Variants in LEPR observed in about 807,000 individuals in gnomAD.
LEPR encodes the protein leptin receptor.
A neutral mutation model predicts 114.7 loss-of-function variants in LEPR; 56 were observed. The observed-to-expected ratio is 0.49, with a 90% CI of 0.39 to 0.61. LEPR has a LOEUF of 0.61. Ranked by LOEUF, LEPR falls within the 20% of genes least tolerant of loss-of-function variation. The pLI, the probability that LEPR is intolerant of heterozygous loss-of-function variation, is 0.00. For synonymous variants in LEPR, 443 were observed against 461.4 expected, an observed-to-expected ratio of 0.96 and a Z score of 0.51; for missense variants, 1,202 against 1,352.9, an observed-to-expected ratio of 0.89 and a Z score of 1.75.
At chr1:65,591,197 T>C (rs1463336658) in intron 5 of LEPR, among the ~76,000 whole-genome samples, 1 of 152,136 alleles carries the variant, frequency 6.6e-6, no homozygotes, top group Non-Finnish European at 1.5e-5. Flanking sequence ...TATTTTTGTG[T>C]GACTGGAATC....
chr1:65,598,816 A>G lies in LEPR; in HGVS notation c.994+12A>G, dbSNP rs1334173102. The G allele has an allele frequency of 1.2e-6, 2 of 1,613,024 alleles. No homozygotes were observed. Among genetic ancestry groups the G allele is most frequent in the Non-Finnish European group, 1.7e-6 (2 of 1,179,258 alleles). On this transcript the variant is annotated intron_variant, in intron 8 of 19. Transcript: ENST00000349533. ...CTTTACCACACAAGGTAGGTTATGT[A>G]ATAGCCACTTCTACTGGGAGGGAAA...
At chr1:65,529,977 G>A (rs1650271121) in intron 2 of LEPR, among the ~76,000 whole-genome samples, 1 of 152,124 alleles carries the variant, frequency 6.6e-6, no homozygotes, top group Non-Finnish European at 1.5e-5. Flanking sequence ...ATCTCTCTAT[G>A]TGTGTGTGTT....
chr1:65,631,745 T>A (rs2101039032), intron 19 of LEPR, among the ~76,000 whole-genome samples: 1 of 152,306 alleles, frequency 6.6e-6, no homozygotes, highest in South Asian at 2.1e-4. Flanking sequence ...TTAGCCTTGC[T>A]TTTCTTCCAA....
chr1:65,530,132 C>T (rs74704065), intron 2 of LEPR, among the ~76,000 whole-genome samples: 3,121 of 152,308 alleles, frequency 0.02, 50 homozygotes, highest in Admixed American at 0.028. Context: ...CTTCATCTTT[C>T]CCAAACCTGC....
At chr1:65,571,759 G>A (rs1449527092) in intron 4 of LEPR, among the ~76,000 whole-genome samples, 3 of 125,208 alleles carry the variant, frequency 2.4e-5, no homozygotes, top group East Asian at 2.7e-4. Context: ...TTAGAGACCA[G>A]CCTGGGCAAC....
chr1:65,619,972 A>G lies in LEPR; in HGVS notation c.2440A>G (p.Ile814Val), dbSNP rs1657776549. 6.2e-7 allele frequency: 1 copy of G among 1,612,200 alleles called. No individual in the cohort carries two copies. The highest frequency in any genetic ancestry group is 1.7e-5 in the Admixed American group (1 of 59,952). ...GAAGTACCAGTTCAGTCTTTACCCA[A>G]TATTTATGGAAGGAGTGGGAAAACC... ...IEKYQFSLYPIFMEGVGKPKI... is the reference protein window; with the variant it reads ...IEKYQFSLYPVFMEGVGKPKI... Residue 814 changes from isoleucine to valine, a missense_variant, in exon 17 of 20, where the codon ATA (isoleucine) becomes GTA (valine). Physicochemically the swap from Ile to Val is conservative, Grantham distance 29. Coordinates refer to ENST00000349533, the MANE Select transcript of LEPR (RefSeq NM_002303.6).
At chr1:65,451,872 A>C (rs988929526) in intron 2 of LEPR, among the ~76,000 whole-genome samples, 1 of 151,980 alleles carries the variant, frequency 6.6e-6, no homozygotes. Context: ...CTTGGGCGGT[A>C]TGGCCATTTT....
intron 11 of LEPR, among the ~76,000 whole-genome samples, chr1:65,608,456 A>C (rs1038613480): frequency 1.3e-5 from 2 of 151,986 alleles, no homozygotes; most frequent in Admixed American, 6.6e-5. Flanking sequence ...TCGGCATGTT[A>C]TCTTTTGCTT....
chr1:65,497,447 G>T (rs751068821), intron 2 of LEPR, among the ~76,000 whole-genome samples: 9 of 152,110 alleles, frequency 5.9e-5, no homozygotes, highest in Admixed American at 2.0e-4. Flanking sequence ...TTCCTAGATT[G>T]TTCAAGGCTA....
intron 2 of LEPR, chr1:65,435,366 C>CTTTTCTT: frequency 1.4e-6 from 1 of 724,232 alleles, no homozygotes; most frequent in Non-Finnish European, 1.6e-6. Flanking sequence ...CTTTTCTTTT[C>CTTTTCTT]TTTTTTTTTT....
intron 2 of LEPR, among the ~76,000 whole-genome samples, chr1:65,442,570 C>A (rs1309986069): frequency 7.2e-5 from 11 of 152,184 alleles, no homozygotes; most frequent in Non-Finnish European, 1.5e-4. Flanking sequence ...TCAGAATAAA[C>A]CTCTTTAAAT....
At chr1:65,432,479 A>G in intron 2 of LEPR, 1 of 592,534 alleles carries the variant, frequency 1.7e-6, no homozygotes, top group Non-Finnish European at 2.1e-6. Flanking sequence ...AAGCATCATC[A>G]TAGAGAAGTA....
chr1:65,438,664 C>A (rs1209643410), intron 2 of LEPR, among the ~76,000 whole-genome samples: 1 of 150,892 alleles, frequency 6.6e-6, no homozygotes, highest in Non-Finnish European at 1.5e-5. Flanking sequence ...CTACTGTTAA[C>A]TTTGAGGACT....
At chr1:65,548,047 G>T (rs1458093407) in intron 2 of LEPR, among the ~76,000 whole-genome samples, 1 of 151,668 alleles carries the variant, frequency 6.6e-6, no homozygotes, top group African/African-American at 2.4e-5. Flanking sequence ...CTTTATTTCT[G>T]CCTTCATTTC....
intron 2 of LEPR, chr1:65,525,995 C>T (rs1649927911): frequency 1.3e-6 from 1 of 752,938 alleles, no homozygotes; most frequent in Non-Finnish European, 1.6e-6. Context: ...CGGCGGGCGG[C>T]GGGGGTGGGG....
At position 65,596,665 on chromosome 1, in the gene LEPR, T is replaced by A. The variant is rs1390098909; in HGVS notation, c.849+72T>A. On this transcript the variant is annotated intron_variant, in intron 7 of 19. Coordinates refer to ENST00000349533, the MANE Select transcript of LEPR (RefSeq NM_002303.6). ...AGACCCTCTTAAGTCCCATAGCAAT[T>A]ACCCTCTGCATACTAAATATATACA... 22 of 1,341,832 alleles carry A rather than the reference T, an allele frequency of 1.6e-5. No individual in the cohort carries two copies. In the Admixed American group the frequency reaches 3.8e-4, roughly 23 times the overall value. 83.1% of individuals were successfully genotyped at this position (1,341,832 alleles called of 1,614,324 possible). A position where few individuals can be genotyped will look rare whatever the true frequency, so the allele number is the denominator to read the frequency against.
rs70940804 is a variant in LEPR, at chr1:65,572,557, A to G, written c.494+108A>G. 140 of 1,150,442 alleles carry G rather than the reference A, an allele frequency of 1.2e-4. 1 individual carries two copies. In the East Asian group the frequency reaches 3.0e-3, roughly 25 times the overall value. The allele number at this position is 1,150,442 out of a possible 1,614,324, so 71.3% of individuals were successfully genotyped here. On this transcript the variant is annotated intron_variant, in intron 5 of 19. Coordinates refer to ENST00000349533, the MANE Select transcript of LEPR (RefSeq NM_002303.6). ...CTCTTGCATCCCTACATTTCCTATT[A>G]TATGTTTTATTTTTTAATATAGCAT... is the stretch of plus-strand genomic sequence containing the variant.
chr1:65,456,475 C>T (rs1646877887), intron 2 of LEPR, among the ~76,000 whole-genome samples: 1 of 151,974 alleles, frequency 6.6e-6, no homozygotes, highest in Admixed American at 6.6e-5. Flanking sequence ...GATGTTTTTG[C>T]CTCTCATTTT....
chr1:65,451,516 A>G (rs1432899583), intron 2 of LEPR, among the ~76,000 whole-genome samples: 2 of 151,928 alleles, frequency 1.3e-5, no homozygotes, highest in South Asian at 2.1e-4. Flanking sequence ...TTTTCCCAGT[A>G]CCATTTATTA....
Sources: gnomAD v4.1 joint callset for allele counts (sites outside exome capture counted in the v4.1 genomes callset) on GRCh38, gnomAD v4.1.1 for gene constraint, MANE v1.5 for transcripts, NCBI Gene and HGNC (gene_info 2026-07-23, HGNC 2026-07-21) for gene names.